PLEKHG5: variants seen among roughly 807,000 people sequenced by gnomAD.
PLEKHG5 encodes pleckstrin homology domain-containing family G member 5.
In PLEKHG5, 52 loss-of-function variants were observed where a neutral mutation model predicts 103.8. The ratio of observed to expected loss-of-function variants is 0.50; its 90% CI spans 0.40 to 0.63. The LOEUF is 0.63. Ranked by LOEUF, PLEKHG5 falls within the 30% of genes least tolerant of loss-of-function variation. The probability of loss-of-function intolerance (pLI) is 0.00; values close to 1 mark genes in which losing one functional copy is unlikely to be tolerated. For synonymous variants in PLEKHG5, 592 were observed against 575.5 expected (o/e 1.03, Z -0.41); for missense variants, 1,205 against 1,347.6 (o/e 0.89, Z 1.66).
In PLEKHG5 at chr1:6,468,084, C is replaced by T. The variant is rs1383339094; in HGVS notation, c.2752G>A (p.Gly918Ser). The change falls in exon 20 of 21, where the codon GGC becomes AGC. Residue 918 changes from glycine (G) to serine (S), a missense_variant. Coordinates refer to ENST00000377728, the MANE Select transcript of PLEKHG5 (RefSeq NM_020631.6). Reference protein sequence around the residue: ...AVPAPGIRTQGSPQEAGPSWD... With the variant: ...AVPAPGIRTQSSPQEAGPSWD... The stretch of plus-strand genomic sequence containing the variant: ...CTGGGCCCAGCTTCCTGAGGGGAGC[C>T]CTGAGTCCTAATACCTGGGGCTGGA... 6.3e-7 allele frequency: 1 copy of T among 1,584,958 alleles called. No individual in the cohort carries two copies. The highest frequency in any genetic ancestry group is 2.3e-5 in the East Asian group (1 of 44,168).
In PLEKHG5 at chr1:6,487,227, T is replaced by C. The variant is rs1164881383; in HGVS notation, c.-88+4410A>G. 2.0e-5 allele frequency among the ~76,000 whole-genome samples: 3 copies of C among 152,180 alleles called. No homozygotes were observed. The highest frequency in any genetic ancestry group is 4.4e-5 in the Non-Finnish European group (3 of 68,024). ...ACCTCCCAGGTTCAAGTGATTCTTC[T>C]GCCTCAGCCTCCCCAGTAGCTGGGA... On this transcript the variant is annotated intron_variant, in intron 1 of 20. Coordinates refer to ENST00000377728, the MANE Select transcript of PLEKHG5 (RefSeq NM_020631.6). This position sits in a 1 kb window ranked among gnomAD's most constrained non-coding sequence, Gnocchi z 4.1.
rs965113536 is a variant in PLEKHG5 at position 6,486,548 on chromosome 1, C to T, written c.-88+5089G>A. 3.9e-5 allele frequency among the ~76,000 whole-genome samples: 6 copies of T among 152,246 alleles called. No homozygotes were observed. The highest frequency in any genetic ancestry group is 7.3e-5 in the Non-Finnish European group (5 of 68,048). Reference sequence around the variant, plus strand: ...CTGAGAGGCTATCCTTGGCAGCCCCCAGGAGCTGGGTGAGGTGGAGGCATC... The same window carrying T: ...CTGAGAGGCTATCCTTGGCAGCCCCTAGGAGCTGGGTGAGGTGGAGGCATC... On this transcript the variant is annotated intron_variant, in intron 1 of 20. Coordinates refer to ENST00000377728, the MANE Select transcript of PLEKHG5 (RefSeq NM_020631.6). The surrounding 1 kb of genome is among the most constrained non-coding windows in gnomAD (Gnocchi z 5.3).
upstream of PLEKHG5, among the ~76,000 whole-genome samples, chr1:6,500,840 A>G (rs563250883): frequency 6.6e-6 from 1 of 152,252 alleles, no homozygotes; most frequent in Admixed American, 6.5e-5. Context: ...CTCCCGTCGC[A>G]GGGAGACCAG....
upstream of PLEKHG5, among the ~76,000 whole-genome samples, chr1:6,495,367 C>T (rs11806282): frequency 0.07 from 10,585 of 152,236 alleles, 480 homozygotes; most frequent in East Asian, 0.24. Context: ...TCCCTCACCA[C>T]GGCCCTCCTG....
intron 4 of PLEKHG5, 63 bp from the exon 5 acceptor site, chr1:6,475,201 T>TC: frequency 2.7e-5 from 14 of 514,968 alleles, no homozygotes; most frequent in Non-Finnish European, 3.6e-5. Context: ...CCCGCCCTCC[T>TC]CCCCACCCTC....
At chr1:6,485,786 TC>T in intron 1 of PLEKHG5, 2 of 685,706 alleles carry the variant, frequency 2.9e-6, no homozygotes, top group Non-Finnish European at 3.6e-6. Context: ...CTCCGCCCAG[TC>T]CCCGGGACCC....
chr1:6,515,350 A>AC (rs917606073), intron 1 of PLEKHG5, among the ~76,000 whole-genome samples: 2 of 151,236 alleles, frequency 1.3e-5, no homozygotes, highest in Admixed American at 1.3e-4. Flanking sequence ...ACACGGTGAA[A>AC]CCCCGTCTCT....
At chr1:6,479,614 A>G (rs1434725253) in intron 1 of PLEKHG5, among the ~76,000 whole-genome samples, 1 of 129,004 alleles carries the variant, frequency 7.8e-6, no homozygotes, top group Non-Finnish European at 1.7e-5. Context: ...TATTACATTG[A>G]CTTTTTTTTT....
chr1:6,470,261 C>A lies in PLEKHG5; in HGVS notation c.1775G>T (p.Arg592Met). ...TRQLLLEGSL[R>M]MKEGKDSKMD... ...CTTGCTGTCCTTCCCCTCCTTCATC[C>A]TCAGGCTCCCCTCCAGCAGCAGCTG... Residue 592 changes from arginine (R) to methionine (M), a missense_variant, in exon 16 of 21, where the codon AGG (arginine) becomes ATG (methionine). By Grantham distance (91) the Arg-to-Met change is moderately conservative. Transcript: ENST00000377728. 6.2e-7 allele frequency: 1 copy of A among 1,614,042 alleles called. No individual in the cohort carries two copies. The highest frequency in any genetic ancestry group is 8.5e-7 in the Non-Finnish European group (1 of 1,179,998).
At chr1:6,513,486 A>C (rs1638531674) in intron 1 of PLEKHG5, among the ~76,000 whole-genome samples, 1 of 152,216 alleles carries the variant, frequency 6.6e-6, no homozygotes, top group African/African-American at 2.4e-5. Context: ...GCCTGAGGTG[A>C]GGGGAAGAGG....
chr1:6,494,787 C>A (rs902309162), upstream of PLEKHG5, among the ~76,000 whole-genome samples: 2 of 152,218 alleles, frequency 1.3e-5, no homozygotes, highest in African/African-American at 4.8e-5. Context: ...TCTGCCCCTA[C>A]AGTGAGTCTG....
intron 1 of PLEKHG5, among the ~76,000 whole-genome samples, chr1:6,478,181 G>A (rs543987226): frequency 8.1e-4 from 123 of 152,178 alleles, no homozygotes; most frequent in Non-Finnish European, 1.5e-3. Flanking sequence ...ACCGCGCCCG[G>A]CTTCTCCATC....
chr1:6,484,434 C>T (rs889520940), intron 1 of PLEKHG5, among the ~76,000 whole-genome samples: 1 of 152,214 alleles, frequency 6.6e-6, no homozygotes, highest in Non-Finnish European at 1.5e-5. Context: ...GGATCTGAAC[C>T]AGGTGGTTTC....
chr1:6,496,389 GC>G, upstream of PLEKHG5: 1 of 868,996 alleles, frequency 1.2e-6, no homozygotes. Context: ...AGCCAGCCGC[GC>G]CCGTGCCAGG....
At position 6,471,484 on chromosome 1, in the gene PLEKHG5, G is replaced by C; in HGVS notation, c.1281+4C>G. The C allele has an allele frequency of 6.2e-7, 1 of 1,609,946 alleles. No individual in the cohort carries two copies. The highest frequency in any genetic ancestry group is 1.3e-5 in the African/African-American group (1 of 74,938). ...CCCCCGCCTGCGCCCGGCCCCGCCC[G>C]TACCATCTTGAAGCCTTTGAGGAAG... is the stretch of plus-strand genomic sequence containing the variant. On this transcript the variant is annotated splice_donor_region_variant and intron_variant, in intron 12 of 20. Transcript: ENST00000377728.
intron 12 of PLEKHG5, 70 bp downstream of exon 12, chr1:6,471,418 G>C (rs912815970): frequency 1.3e-6 from 2 of 1,510,544 alleles, no homozygotes; most frequent in African/African-American, 2.7e-5. Flanking sequence ...AGACCGGATC[G>C]GGCCGTGGAG....
In PLEKHG5 at chr1:6,473,328, C is replaced by T. The variant is rs765882140; in HGVS notation, c.718G>A (p.Asp240Asn). ...SGSSGSTNTGDSWKNRAASRF... is the reference protein window; with the variant it reads ...SGSSGSTNTGNSWKNRAASRF... ...CTGGCCGCCCGGTTCTTCCAGCTGT[C>T]GCCAGTGTTGGTGCTGCCACTGCTG... Residue 240 changes from aspartate (D) to asparagine (N), a missense_variant, in exon 8 of 21, where the codon GAC (aspartate) becomes AAC (asparagine). By Grantham distance (23) the Asp-to-Asn change is conservative. Coordinates refer to ENST00000377728, the MANE Select transcript of PLEKHG5 (RefSeq NM_020631.6). 1.3e-4 allele frequency: 208 copies of T among 1,561,966 alleles called. No homozygotes were observed. The highest frequency in any genetic ancestry group is 2.3e-4 in the Admixed American group (12 of 52,216).
intron 1 of PLEKHG5, among the ~76,000 whole-genome samples, chr1:6,510,280 G>T (rs980585030): frequency 3.9e-5 from 6 of 152,150 alleles, no homozygotes; most frequent in Non-Finnish European, 8.8e-5. Flanking sequence ...GCTCCACCAG[G>T]CCAAGTAAAA....
At chr1:6,474,233 C>A in intron 6 of PLEKHG5, 69 bp from the exon 7 acceptor site, 1 of 1,566,464 alleles carries the variant, frequency 6.4e-7, no homozygotes, top group Non-Finnish European at 8.7e-7. Context: ...CCGGTCCTCT[C>A]TCCCCGGAGG....
Sources: allele counts gnomAD v4.1 joint callset (sites outside exome capture counted in the v4.1 genomes callset), GRCh38; gene constraint gnomAD v4.1.1; non-coding constraint Gnocchi (gnomAD v3.1); transcripts MANE v1.5; gene names NCBI Gene and HGNC (gene_info 2026-07-23, HGNC 2026-07-21).